The following TRIM44 variants were observed in gnomAD, a reference collection of about 807,000 sequenced individuals.
TRIM44 encodes the protein tripartite motif-containing protein 44.
In TRIM44, 13 loss-of-function variants were observed where a neutral mutation model predicts 37.4. The observed-to-expected ratio is 0.35, with a 90% CI of 0.23 to 0.55. TRIM44 has a LOEUF of 0.55. TRIM44 is among the 20% of genes least tolerant of loss of function. The probability of loss-of-function intolerance (pLI) is 0.89; values close to 1 mark genes in which losing one functional copy is unlikely to be tolerated. For missense variants in TRIM44, 426 were observed against 437.2 expected, an observed-to-expected ratio of 0.97 and a Z score of 0.23; for synonymous variants, 175 against 157.2, an observed-to-expected ratio of 1.11 and a Z score of -0.85.
At chr11:35,678,412 C>G (rs1278847034) in intron 1 of TRIM44, among the ~76,000 whole-genome samples, 1 of 151,972 alleles carries the variant, frequency 6.6e-6, no homozygotes, top group Non-Finnish European at 1.5e-5. Flanking sequence ...GACTTTGAGT[C>G]TGACAACTAA....
intron 4 of TRIM44, among the ~76,000 whole-genome samples, chr11:35,774,642 G>A (rs1013897432): frequency 5.1e-4 from 77 of 152,280 alleles, no homozygotes; most frequent in African/African-American, 1.8e-3. Context: ...ATTAATTTTT[G>A]TATAAGGTGT....
chr11:35,689,209 G>C (rs1851614116), intron 2 of TRIM44, among the ~76,000 whole-genome samples: 1 of 152,140 alleles, frequency 6.6e-6, no homozygotes, highest in Non-Finnish European at 1.5e-5. Context: ...TGAGGTGTAG[G>C]CTGAGTTCTA....
At chr11:35,755,879 C>G (rs1176951279) in intron 4 of TRIM44, among the ~76,000 whole-genome samples, 1 of 152,154 alleles carries the variant, frequency 6.6e-6, no homozygotes, top group Non-Finnish European at 1.5e-5. Flanking sequence ...TGTTTTGGTA[C>G]CAGTACCATG....
chr11:35,799,645 C>G (rs1484884843), intron 4 of TRIM44, among the ~76,000 whole-genome samples: 1 of 152,144 alleles, frequency 6.6e-6, no homozygotes, highest in Non-Finnish European at 1.5e-5. Flanking sequence ...TAACCTAGTT[C>G]TATTATTTAC....
In TRIM44 at chr11:35,700,740, G is replaced by T. The variant is rs115775772; in HGVS notation, c.747+15404G>T. ...TTATAACCTTCTTTGCATAGCTAGGGGGCGTGGCTAATTCCATATGTCCCC... is the reference window on the plus strand; with the variant it reads ...TTATAACCTTCTTTGCATAGCTAGGTGGCGTGGCTAATTCCATATGTCCCC... On this transcript the variant is annotated intron_variant, in intron 2 of 4. Coordinates refer to ENST00000299413, the MANE Select transcript of TRIM44 (RefSeq NM_017583.6). 9.3e-3 allele frequency among the ~76,000 whole-genome samples: 1,411 copies of T among 152,164 alleles called. 29 individuals carry two copies. The highest frequency in any genetic ancestry group is 0.032 in the African/African-American group (1,332 of 41,490).
chr11:35,796,920 G>A (rs142614633), intron 4 of TRIM44, among the ~76,000 whole-genome samples: 255 of 152,286 alleles, frequency 1.7e-3, no homozygotes, highest in Non-Finnish European at 2.9e-3. Context: ...AAATTGCCCC[G>A]TTATTGGCAA....
intron 4 of TRIM44, among the ~76,000 whole-genome samples, chr11:35,745,491 G>C (rs913642064): frequency 1.3e-5 from 2 of 152,164 alleles, no homozygotes; most frequent in African/African-American, 4.8e-5. Flanking sequence ...GGAAAGCACA[G>C]TAAGTCCTCA....
rs553191695 is a variant in TRIM44 at position 35,813,790 on chromosome 11, T to G, written c.*7405T>G. The G allele has an allele frequency of 5.3e-5, 8 of 152,248 alleles. No homozygotes were observed. Among genetic ancestry groups the G allele is most frequent in the African/African-American group, 1.9e-4 (8 of 41,546 alleles). 9.4% of individuals were successfully genotyped at this position (152,248 alleles called of 1,614,324 possible). ...CCCAATGGTTAAAAAAAAAAACTTT[T>G]AGGAATTAAAAGGAATAAACCTTTG... On this transcript the variant is annotated 3_prime_UTR_variant, in exon 5 of 5. Coordinates refer to ENST00000299413, the MANE Select transcript of TRIM44 (RefSeq NM_017583.6).
At chr11:35,755,427 G>A (rs1488524306) in intron 4 of TRIM44, among the ~76,000 whole-genome samples, 1 of 151,932 alleles carries the variant, frequency 6.6e-6, no homozygotes, top group African/African-American at 2.4e-5. Context: ...TGAGTAGATT[G>A]CAAAAATTAT....
chr11:35,677,757 A>G (rs1257722163), intron 1 of TRIM44, among the ~76,000 whole-genome samples: 2 of 152,194 alleles, frequency 1.3e-5, no homozygotes, highest in African/African-American at 4.8e-5. Flanking sequence ...ACAAGAAGCA[A>G]CTCTAAGTCA....
chr11:35,754,647 C>G (rs1852605727), intron 4 of TRIM44, among the ~76,000 whole-genome samples: 1 of 127,410 alleles, frequency 7.8e-6, no homozygotes, highest in Admixed American at 8.3e-5. Flanking sequence ...TAATGCTATC[C>G]CTCCCCCTCC....
chr11:35,704,332 C>T (rs1851842437), intron 2 of TRIM44, among the ~76,000 whole-genome samples: 1 of 152,230 alleles, frequency 6.6e-6, no homozygotes, highest in Non-Finnish European at 1.5e-5. Flanking sequence ...TTGGAAAACA[C>T]TCTGCAGGAT....
chr11:35,781,549 C>G (rs1853065975), intron 4 of TRIM44, among the ~76,000 whole-genome samples: 1 of 152,126 alleles, frequency 6.6e-6, no homozygotes, highest in African/African-American at 2.4e-5. Flanking sequence ...TGGGAAGCCT[C>G]CAGATCCCTA....
At position 35,798,016 on chromosome 11, in the gene TRIM44, G is replaced by A. The variant is rs529597875; in HGVS notation, c.1008-8342G>A. Among the ~76,000 whole-genome samples the A allele has an allele frequency of 2.0e-5, 3 of 152,266 alleles. No homozygotes were observed. The South Asian group carries it at 6.2e-4, about 32-fold the overall frequency. ...GGTCCTGATGACATGTCCCCAAGGT[G>A]GTCGGGGCACAGCATGGTTTCATAC... On this transcript the variant is annotated intron_variant, in intron 4 of 4. Coordinates refer to ENST00000299413, the MANE Select transcript of TRIM44 (RefSeq NM_017583.6).
intron 4 of TRIM44, among the ~76,000 whole-genome samples, chr11:35,743,842 G>A (rs895041679): frequency 1.3e-5 from 2 of 152,146 alleles, no homozygotes; most frequent in Non-Finnish European, 2.9e-5. Flanking sequence ...ATACCTTGGC[G>A]TGAACTAGAA....
intron 2 of TRIM44, among the ~76,000 whole-genome samples, chr11:35,693,923 G>A (rs1281877742): frequency 2.6e-5 from 4 of 152,092 alleles, no homozygotes; most frequent in African/African-American, 9.7e-5. Flanking sequence ...CTATTGGGAG[G>A]ATAATACCAA....
chr11:35,670,219 C>A (rs1851377704), intron 1 of TRIM44, among the ~76,000 whole-genome samples: 1 of 152,222 alleles, frequency 6.6e-6, no homozygotes, highest in Non-Finnish European at 1.5e-5. Context: ...AAATGCACAG[C>A]CTAGTTTCTT....
chr11:35,706,566 G>T (rs745514765), intron 2 of TRIM44, among the ~76,000 whole-genome samples: 14 of 152,198 alleles, frequency 9.2e-5, no homozygotes, highest in Non-Finnish European at 2.1e-4. Context: ...TATCCATCAT[G>T]ATCGAGTGGG....
chr11:35,738,608 G>T (rs1392481528), intron 4 of TRIM44, among the ~76,000 whole-genome samples: 1 of 152,136 alleles, frequency 6.6e-6, no homozygotes, highest in East Asian at 1.9e-4. Context: ...AATTTATTCT[G>T]ATTAACCCTT....
Sources: allele counts gnomAD v4.1 joint callset (sites outside exome capture counted in the v4.1 genomes callset), GRCh38; gene constraint gnomAD v4.1.1; transcripts MANE v1.5; gene names NCBI Gene and HGNC (gene_info 2026-07-23, HGNC 2026-07-21).